Variants in FER1L6 observed in about 807,000 individuals in gnomAD.
FER1L6 encodes the protein fer-1 like family member 6.
FER1L6 carries 177 observed loss-of-function variants against 219.2 expected under a neutral mutation model. The observed-to-expected ratio is 0.81, with a 90% CI of 0.71 to 0.91. The LOEUF is 0.91. FER1L6 is among the 40% of genes least tolerant of loss of function. The probability of loss-of-function intolerance (pLI) is 0.00; values close to 1 mark genes in which losing one functional copy is unlikely to be tolerated. For synonymous variants in FER1L6, 768 were observed against 824.3 expected (o/e 0.93, Z 1.17); for missense variants, 2,153 against 2,259.9 (o/e 0.95, Z 0.96).
chr8:123,968,469 G>A (rs748266286), intron 5 of FER1L6, among the ~76,000 whole-genome samples: 72 of 152,096 alleles, frequency 4.7e-4, no homozygotes, highest in Non-Finnish European at 7.9e-4. Context: ...AGGAGGTCTC[G>A]GAAGCCTATG....
At chr8:124,107,569 T>C (rs150336258) in intron 39 of FER1L6, among the ~76,000 whole-genome samples, 137 of 152,316 alleles carry the variant, frequency 9.0e-4, no homozygotes, top group African/African-American at 3.1e-3. Context: ...ACCAGAGTAG[T>C]GGCAATTTCC....
rs73326387 is a variant in FER1L6, at chr8:123,981,397, T to C, written c.1410+586T>C. Among the ~76,000 whole-genome samples the C allele has an allele frequency of 2.5e-3, 381 of 152,314 alleles. 1 individual carries two copies. Among genetic ancestry groups the C allele is most frequent in the African/African-American group, 8.3e-3 (343 of 41,568 alleles). On this transcript the variant is annotated intron_variant, in intron 11 of 40. Transcript: ENST00000522917. ...TAAGAGGAATACAAATGGTGAATAT[T>C]CTCTCTACTGTTTAGTTTATCAATG...
chr8:124,095,509 T>A lies in FER1L6; in HGVS notation c.4695+471T>A, dbSNP rs545347694. ...ATTTTCCCAGAGAAGCAATAGGTGGTAGGTTACCTTAAAGAACTGGCAAGA... is the reference window on the plus strand; with the variant it reads ...ATTTTCCCAGAGAAGCAATAGGTGGAAGGTTACCTTAAAGAACTGGCAAGA... On this transcript the variant is annotated intron_variant, in intron 35 of 40. Transcript: ENST00000522917. Among the ~76,000 whole-genome samples, 16 of 152,306 alleles carry A rather than the reference T, an allele frequency of 1.1e-4. No individual in the cohort carries two copies. The South Asian group carries it at 3.1e-3, about 30-fold the overall frequency.
intron 16 of FER1L6, among the ~76,000 whole-genome samples, chr8:124,020,590 C>T (rs150061031): frequency 2.9e-4 from 44 of 152,274 alleles, no homozygotes; most frequent in Non-Finnish European, 2.2e-4. Context: ...ATTTCTCATA[C>T]GATGTCTTCT....
chr8:123,875,458 G>C (rs1017095770), intron 1 of FER1L6, among the ~76,000 whole-genome samples: 2 of 152,068 alleles, frequency 1.3e-5, no homozygotes, highest in African/African-American at 4.8e-5. Context: ...CTTAAGCCTT[G>C]CTCCTCCTCC....
At chr8:124,052,317 G>A (rs1008720646) in intron 22 of FER1L6, among the ~76,000 whole-genome samples, 2 of 152,112 alleles carry the variant, frequency 1.3e-5, no homozygotes, top group African/African-American at 4.8e-5. Flanking sequence ...CACTTTTGAT[G>A]TTCATGTGTC....
Position 124,060,299 on chromosome 8 carries a change from C to T in FER1L6, c.2985+9C>T, listed in dbSNP as rs1470504395. On this transcript the variant is annotated intron_variant, in intron 23 of 40. Transcript: ENST00000522917. ...GCAAATACCGAGTGGAGGTACGGGT[C>T]AGCGGAGGAGCTGAGTTGTTCTTTG... 2 of 1,613,078 alleles carry T rather than the reference C, an allele frequency of 1.2e-6. No homozygotes were observed. Among genetic ancestry groups the T allele is most frequent in the South Asian group, 2.2e-5 (2 of 91,048 alleles).
chr8:124,069,524 G>C, intron 29 of FER1L6, 49 bp downstream of exon 29: 2 of 1,367,960 alleles, frequency 1.5e-6, no homozygotes, highest in Non-Finnish European at 2.0e-6. Context: ...GGGATGCTCA[G>C]CAATGAGGTT....
chr8:123,853,139 C>T lies in FER1L6; in HGVS notation c.-8+954C>T, dbSNP rs1336996653. Among the ~76,000 whole-genome samples, 4 of 152,138 alleles carry T rather than the reference C, an allele frequency of 2.6e-5. No homozygotes were observed. The highest frequency in any genetic ancestry group is 1.9e-4 in the East Asian group (1 of 5,192). On this transcript the variant is annotated intron_variant, in intron 1 of 40. Coordinates refer to ENST00000522917, the MANE Select transcript of FER1L6 (RefSeq NM_001039112.2). The surrounding 1 kb of genome is among the most constrained non-coding windows in gnomAD (Gnocchi z 6.6). The stretch of plus-strand genomic sequence containing the variant: ...GATTACGTGCGTGAGCCACTGTGCC[C>T]ACCCTCAGACTTTAAAATAGACGAA...
At chr8:123,970,901 C>T (rs1049942017) in intron 6 of FER1L6, among the ~76,000 whole-genome samples, 2 of 152,220 alleles carry the variant, frequency 1.3e-5, no homozygotes, top group Non-Finnish European at 2.9e-5. Context: ...CAATGGATGA[C>T]ATACTGCATC....
At chr8:124,097,960 C>T in intron 37 of FER1L6, 77 bp downstream of exon 37, 1 of 787,538 alleles carries the variant, frequency 1.3e-6, no homozygotes, top group Non-Finnish European at 2.2e-6. Flanking sequence ...ATCTATGCCT[C>T]ATGGAGGATA....
intron 25 of FER1L6, among the ~76,000 whole-genome samples, 163 bp downstream of exon 25, chr8:124,062,195 C>T (rs1820617054): frequency 6.6e-6 from 1 of 152,126 alleles, no homozygotes; most frequent in Non-Finnish European, 1.5e-5. Flanking sequence ...TCTTTGGCTC[C>T]CACATTCTTA....
At chr8:123,953,194 C>G (rs1169901428) in intron 1 of FER1L6, among the ~76,000 whole-genome samples, 1 of 152,146 alleles carries the variant, frequency 6.6e-6, no homozygotes, top group Non-Finnish European at 1.5e-5. Flanking sequence ...GGGAGTCATG[C>G]TGGGTGTGCC....
intron 13 of FER1L6, among the ~76,000 whole-genome samples, chr8:124,009,881 C>T (rs1212485946): frequency 1.3e-5 from 2 of 150,804 alleles, no homozygotes; most frequent in Admixed American, 6.6e-5. Flanking sequence ...TGTTGTAGTT[C>T]GAAGGTCAGG....
chr8:123,927,707 G>A (rs184082182), intron 1 of FER1L6, among the ~76,000 whole-genome samples: 97 of 152,176 alleles, frequency 6.4e-4, no homozygotes, highest in Middle Eastern at 6.8e-3. Flanking sequence ...CTTTATTGAC[G>A]TTCACATTAT....
intron 2 of FER1L6, among the ~76,000 whole-genome samples, chr8:123,960,555 A>T (rs1187547870): frequency 6.6e-6 from 1 of 152,218 alleles, no homozygotes; most frequent in African/African-American, 2.4e-5. Flanking sequence ...TCAGTGACTT[A>T]GAAGAAGGCA....
chr8:123,889,382 T>C (rs1052210363), intron 1 of FER1L6, among the ~76,000 whole-genome samples: 5 of 152,192 alleles, frequency 3.3e-5, no homozygotes, highest in Admixed American at 1.3e-4. Flanking sequence ...AAAATTATTG[T>C]TGCTGCTCAT....
Position 124,049,646 on chromosome 8 carries a change from G to A in FER1L6, c.2764G>A (p.Val922Ile). The change falls in exon 22 of 41, where the codon GTT becomes ATT. Residue 922 changes from valine (V) to isoleucine (I), a missense_variant. Physicochemically the swap from Val to Ile is conservative, Grantham distance 29. Coordinates refer to ENST00000522917, the MANE Select transcript of FER1L6 (RefSeq NM_001039112.2). ...TTTGGGTGCCACAGTGGCTGCTCCT[G>A]TTGTGAAGCTGGCTGACCAGGACTA... is the stretch of plus-strand genomic sequence containing the variant. The part of the protein sequence containing the change: ...EYLGATVAAP[V>I]VKLADQDYEP... 1 of 1,613,988 alleles carries A rather than the reference G, an allele frequency of 6.2e-7. No homozygotes were observed. The highest frequency in any genetic ancestry group is 8.5e-7 in the Non-Finnish European group (1 of 1,179,988).
chr8:124,119,771 G>T lies in FER1L6; in HGVS notation c.5555G>T (p.Arg1852Met), dbSNP rs185028572. The stretch of plus-strand genomic sequence containing the variant: ...ACCTTGCCAGGAGCCATCAGCCGAA[G>T]GATCGTTGTGGGCTCATAGAGGATC... ...IYTLPGAISR[R>M]IVVGS The change falls in exon 41 of 41, where the codon AGG (arginine) becomes ATG (methionine). Residue 1852 changes from arginine (R) to methionine (M), a missense_variant. By Grantham distance (91) the Arg-to-Met change is moderately conservative. Coordinates refer to ENST00000522917, the MANE Select transcript of FER1L6 (RefSeq NM_001039112.2). The T allele has an allele frequency of 1.4e-3, 2,330 of 1,613,924 alleles. 4 individuals are homozygous for T. Among genetic ancestry groups the T allele is most frequent in the Non-Finnish European group, 1.0e-3 (1,180 of 1,179,942 alleles).
Sources: allele counts gnomAD v4.1 joint callset (sites outside exome capture counted in the v4.1 genomes callset), GRCh38; gene constraint gnomAD v4.1.1; non-coding constraint Gnocchi (gnomAD v3.1); transcripts MANE v1.5; gene names NCBI Gene and HGNC (gene_info 2026-07-23, HGNC 2026-07-21).